PHKB: variants seen among roughly 807,000 people sequenced by gnomAD.
The protein encoded by PHKB is phosphorylase b kinase regulatory subunit beta.
A neutral mutation model predicts 152.1 loss-of-function variants in PHKB; 122 were observed. The ratio of observed to expected loss-of-function variants is 0.80; its 90% confidence interval spans 0.69 to 0.93. The LOEUF (loss-of-function observed/expected upper bound fraction) is 0.93, where lower values mean the gene tolerates loss of function less well. PHKB is among the 40% of genes least tolerant of loss of function. PHKB has a pLI of 0.00. For missense variants in PHKB, 1,304 were observed against 1,328.4 expected (o/e 0.98, Z 0.29); for synonymous variants, 436 against 464.9 (o/e 0.94, Z 0.80).
At chr16:47,516,930 G>A (rs1970608005) in intron 6 of PHKB, among the ~76,000 whole-genome samples, 1 of 152,098 alleles carries the variant, frequency 6.6e-6, no homozygotes, top group Non-Finnish European at 1.5e-5. Context: ...TTGGGATCAG[G>A]GAGGAGCTGG....
intron 6 of PHKB, among the ~76,000 whole-genome samples, chr16:47,544,312 A>T (rs1313734925): frequency 6.6e-6 from 1 of 152,218 alleles, no homozygotes; most frequent in African/African-American, 2.4e-5. Context: ...GGTTTCAAAG[A>T]ACATCTTTAT....
chr16:47,475,569 C>T (rs1285249005), intron 1 of PHKB, among the ~76,000 whole-genome samples: 1 of 152,098 alleles, frequency 6.6e-6, no homozygotes, highest in African/African-American at 2.4e-5. Context: ...TAGTGAGAAA[C>T]CCAGATGGAA....
At chr16:47,511,169 A>G (rs1403298202) in intron 4 of PHKB, among the ~76,000 whole-genome samples, 1 of 152,218 alleles carries the variant, frequency 6.6e-6, no homozygotes, top group African/African-American at 2.4e-5. Context: ...GGGGAAATGA[A>G]AGCATGTTAA....
intron 25 of PHKB, chr16:47,665,853 A>C (rs1174954918): frequency 1.1e-6 from 1 of 871,518 alleles, no homozygotes; most frequent in Non-Finnish European, 2.0e-6. Flanking sequence ...TCCACTGTGT[A>C]TATTTTAAAG....
chr16:47,535,177 T>C (rs1970931112), intron 6 of PHKB, among the ~76,000 whole-genome samples: 1 of 152,226 alleles, frequency 6.6e-6, no homozygotes, highest in African/African-American at 2.4e-5. Flanking sequence ...AATCAGCACT[T>C]ACCTTCATTA....
chr16:47,569,253 CTGTTA>C (rs1386782303), intron 7 of PHKB, among the ~76,000 whole-genome samples: 1 of 152,182 alleles, frequency 6.6e-6, no homozygotes, highest in African/African-American at 2.4e-5. Flanking sequence ...TTGAATTGTT[CTGTTA>C]TAATATAATG....
chr16:47,692,012 T>C (rs1010841713), intron 27 of PHKB, among the ~76,000 whole-genome samples: 5 of 152,198 alleles, frequency 3.3e-5, no homozygotes, highest in Non-Finnish European at 5.9e-5. Flanking sequence ...TATCCAGTTA[T>C]CTAAAGTAAA....
rs770785056 is a variant in PHKB at position 47,666,067 on chromosome 16, C to T, written c.2427+1092C>T. 8.1e-6 allele frequency: 12 copies of T among 1,473,392 alleles called. No homozygotes were observed. The East Asian group carries it at 1.6e-4, about 19-fold the overall frequency. The allele number at this position is 1,473,392 out of a possible 1,614,324, so 91.3% of individuals were successfully genotyped here. ...TGCTTTTCAGACACTTATTTGGTCC[C>T]GGTTGCAAAGATTTCTGGCTAGGAC... On this transcript the variant is annotated intron_variant, in intron 25 of 30. Transcript: ENST00000323584.
At chr16:47,468,536 T>C (rs535381747) in intron 1 of PHKB, among the ~76,000 whole-genome samples, 2 of 152,324 alleles carry the variant, frequency 1.3e-5, no homozygotes, top group African/African-American at 4.8e-5. Context: ...GCCTGTAATC[T>C]CAGCTACTCG....
intron 13 of PHKB, among the ~76,000 whole-genome samples, chr16:47,607,090 C>T (rs1217542482): frequency 6.6e-6 from 1 of 152,080 alleles, no homozygotes; most frequent in African/African-American, 2.4e-5. Context: ...AACTGATTTC[C>T]TTCCTATTAT....
intron 13 of PHKB, among the ~76,000 whole-genome samples, chr16:47,599,340 A>T (rs991914865): frequency 3.9e-5 from 6 of 152,280 alleles, no homozygotes; most frequent in African/African-American, 1.4e-4. Flanking sequence ...TTTGCCATAT[A>T]TCCAGCCTGG....
chr16:47,670,038 ATGAC>A (rs1973611799), intron 26 of PHKB, among the ~76,000 whole-genome samples: 1 of 152,194 alleles, frequency 6.6e-6, no homozygotes, highest in East Asian at 1.9e-4. Context: ...CCTTGGGTAA[ATGAC>A]TGAACCTCTC....
intron 1 of PHKB, among the ~76,000 whole-genome samples, chr16:47,480,168 A>T (rs1378766793): frequency 6.6e-6 from 1 of 152,158 alleles, no homozygotes; most frequent in East Asian, 1.9e-4. Context: ...GGATGTAATG[A>T]CTGCCTCCAT....
chr16:47,547,313 A>C (rs963734821), intron 6 of PHKB, 120 bp from the exon 7 acceptor site: 18 of 690,274 alleles, frequency 2.6e-5, no homozygotes, highest in Non-Finnish European at 4.2e-5. Context: ...CAAACTCCCA[A>C]CCTCATGTAA....
chr16:47,485,570 T>C lies in PHKB; in HGVS notation c.77-11829T>C, dbSNP rs187278395. On this transcript the variant is annotated intron_variant, in intron 1 of 30. Coordinates refer to ENST00000323584, the MANE Select transcript of PHKB (RefSeq NM_000293.3). ...CAAAAGTTTCCTGAACACTGCTTCT[T>C]GGTCAGGACTTCATACATAGCAGAG... Among the ~76,000 whole-genome samples the C allele has an allele frequency of 6.3e-3, 953 of 152,330 alleles. 40 individuals are homozygous for C. Among genetic ancestry groups the C allele is most frequent in the Admixed American group, 0.058 (889 of 15,308 alleles).
chr16:47,497,430 T>A lies in PHKB; in HGVS notation c.108T>A (p.Asn36Lys). The A allele has an allele frequency of 2.5e-6, 4 of 1,608,950 alleles. No homozygotes were observed. Among genetic ancestry groups the A allele is most frequent in the Non-Finnish European group, 3.4e-6 (4 of 1,177,316 alleles). Residue 36 changes from asparagine (N) to lysine (K), a missense_variant, in exon 2 of 31, where the codon AAT (asparagine) becomes AAA (lysine). Transcript: ENST00000323584. ...TTTATGAACCTCTTAAAAGCATTAA[T>A]CTTCCAAGACCTGATAATGAAACTC... ...GSVYEPLKSINLPRPDNETLW... is the reference protein window; with the variant it reads ...GSVYEPLKSIKLPRPDNETLW...
At chr16:47,565,486 G>A (rs1264949892) in intron 7 of PHKB, 11 of 1,396,108 alleles carry the variant, frequency 7.9e-6, no homozygotes, top group Non-Finnish European at 1.1e-5. Context: ...CTTTGGTGGA[G>A]GGGCTGGCAT....
At chr16:47,516,094 A>T (rs180818685) in intron 6 of PHKB, among the ~76,000 whole-genome samples, 24 of 152,060 alleles carry the variant, frequency 1.6e-4, no homozygotes, top group African/African-American at 5.3e-4. Flanking sequence ...CGCCTGGCTA[A>T]TTTTTTGTAT....
intron 16 of PHKB, among the ~76,000 whole-genome samples, chr16:47,646,561 T>TAA (rs1456479779): frequency 1.9e-5 from 2 of 104,690 alleles, no homozygotes; most frequent in Non-Finnish European, 2.0e-5. Context: ...AAATAAAAAA[T>TAA]AAAAAAATAA....
Sources: gnomAD v4.1 joint callset for allele counts (sites outside exome capture counted in the v4.1 genomes callset) on GRCh38, gnomAD v4.1.1 for gene constraint, MANE v1.5 for transcripts, NCBI Gene and HGNC (gene_info 2026-07-23, HGNC 2026-07-21) for gene names.